The following SCML4 variants were observed in gnomAD, a reference collection of about 807,000 sequenced individuals.
SCML4 encodes sex comb on midleg-like protein 4.
In SCML4, 34 loss-of-function variants were observed where a neutral mutation model predicts 41.1. That is an observed-to-expected ratio of 0.83 (90% CI 0.63 to 1.10). The LOEUF (loss-of-function observed/expected upper bound fraction) is 1.10, where lower values mean the gene tolerates loss of function less well. Ranked by LOEUF, SCML4 falls within the 50% of genes least tolerant of loss-of-function variation. SCML4 has a pLI of 0.00. For synonymous variants in SCML4, 214 were observed against 220.9 expected (o/e 0.97, Z 0.28); for missense variants, 522 against 534.1 (o/e 0.98, Z 0.22).
chr6:107,833,643 G>A, the SCML4 span, among the ~76,000 whole-genome samples: 8 of 152,160 alleles, frequency 5.3e-5, no homozygotes, highest in Admixed American at 2.0e-4. Context: ...AGGACTCTCC[G>A]GAGAGGAAGT....
chr6:107,761,853 C>A (rs1317693225), intron 2 of SCML4, among the ~76,000 whole-genome samples: 2 of 148,690 alleles, frequency 1.3e-5, no homozygotes, highest in African/African-American at 2.5e-5. Context: ...TACTTCTAAA[C>A]AACAAAAACT....
At chr6:107,802,782 C>T (rs927027187) in intron 1 of SCML4, among the ~76,000 whole-genome samples, 2 of 149,232 alleles carry the variant, frequency 1.3e-5, no homozygotes, top group Admixed American at 6.6e-5. Context: ...CACGGTCTCC[C>T]CCTGATGCCG....
At chr6:107,773,390 G>C (rs1018991465) in intron 1 of SCML4, among the ~76,000 whole-genome samples, 1 of 152,018 alleles carries the variant, frequency 6.6e-6, no homozygotes. Context: ...CTAGGAGTTC[G>C]AGACTAGCCT....
At chr6:107,721,449 C>G (rs956477251) in intron 5 of SCML4, among the ~76,000 whole-genome samples, 19 of 152,022 alleles carry the variant, frequency 1.2e-4, no homozygotes, top group African/African-American at 4.6e-4. Context: ...CCTGTAATCC[C>G]AGCTACTCAG....
chr6:107,794,945 T>C (rs1439933225), intron 1 of SCML4, among the ~76,000 whole-genome samples: 1 of 152,236 alleles, frequency 6.6e-6, no homozygotes, highest in Non-Finnish European at 1.5e-5. Context: ...TCTCTCTCTA[T>C]GTGTCTCTGT....
intron 5 of SCML4, among the ~76,000 whole-genome samples, chr6:107,736,507 T>C (rs1471182878): frequency 3.3e-5 from 5 of 152,162 alleles, no homozygotes; most frequent in Non-Finnish European, 5.9e-5. Flanking sequence ...TATCTTGCTG[T>C]GTGTGTGGCT....
Position 107,703,646 on chromosome 6 carries a change from G to A in SCML4, c.*1554C>T, listed in dbSNP as rs547539957. ...GTACAACGGCAGCTGATCAAGCGGTGAGGAGGTTGAGCCCCCACCCTGCTC... is the reference window on the plus strand; with the variant it reads ...GTACAACGGCAGCTGATCAAGCGGTAAGGAGGTTGAGCCCCCACCCTGCTC... On this transcript the variant is annotated 3_prime_UTR_variant, in exon 8 of 8. Coordinates refer to ENST00000369020, the MANE Select transcript of SCML4 (RefSeq NM_198081.5). 6.6e-5 allele frequency among the ~76,000 whole-genome samples: 10 copies of A among 152,300 alleles called. No homozygotes were observed. The highest frequency in any genetic ancestry group is 2.2e-4 in the African/African-American group (9 of 41,568).
chr6:107,828,322 T>C (rs1042148481), upstream of SCML4, among the ~76,000 whole-genome samples: 1 of 152,154 alleles, frequency 6.6e-6, no homozygotes, highest in Non-Finnish European at 1.5e-5. Context: ...GACAAGGAAA[T>C]AAGGGACTAG....
At chr6:107,803,591 G>A (rs1783468002) in intron 1 of SCML4, among the ~76,000 whole-genome samples, 1 of 147,038 alleles carries the variant, frequency 6.8e-6, no homozygotes, top group Admixed American at 6.7e-5. Context: ...GACAATGGCG[G>A]TTTTGTGGAA....
At chr6:107,787,261 A>T (rs1192663809) in intron 1 of SCML4, among the ~76,000 whole-genome samples, 1 of 152,218 alleles carries the variant, frequency 6.6e-6, no homozygotes, top group Non-Finnish European at 1.5e-5. Flanking sequence ...TGAATAGAAC[A>T]ACATAATTAT....
At chr6:107,820,850 A>G (rs1365215393) in intron 1 of SCML4, among the ~76,000 whole-genome samples, 1 of 152,248 alleles carries the variant, frequency 6.6e-6, no homozygotes, top group East Asian at 1.9e-4. Flanking sequence ...AAGGTAGAAA[A>G]GAAAAAAAAG....
At chr6:107,772,796 C>G (rs1780625745) in intron 1 of SCML4, among the ~76,000 whole-genome samples, 1 of 152,184 alleles carries the variant, frequency 6.6e-6, no homozygotes, top group African/African-American at 2.4e-5. Context: ...TCACTCCTAT[C>G]TCTTTGCTTG....
Position 107,729,270 on chromosome 6 carries a change from G to A in SCML4, c.683-8277C>T, listed in dbSNP as rs112147979. 1.1e-3 allele frequency among the ~76,000 whole-genome samples: 167 copies of A among 152,272 alleles called. 3 individuals carry two copies. Among genetic ancestry groups the A allele is most frequent in the African/African-American group, 3.8e-3 (159 of 41,548 alleles). The stretch of plus-strand genomic sequence containing the variant: ...CCAGGCTCCCTCTCAGGACTCTAGG[G>A]GAGAATCCCTCCTGGCCTCTTTCTA... On this transcript the variant is annotated intron_variant, in intron 5 of 7. Transcript: ENST00000369020.
rs922289141 is a variant in SCML4, at chr6:107,708,119, T to A, written c.974-108A>T. 8 of 1,328,710 alleles carry A rather than the reference T, an allele frequency of 6.0e-6. No individual in the cohort carries two copies. The Admixed American group carries it at 1.7e-4, about 29-fold the overall frequency. 82.3% of individuals were successfully genotyped at this position (1,328,710 alleles called of 1,614,324 possible). On this transcript the variant is annotated intron_variant, in intron 6 of 7. Transcript: ENST00000369020. ...CTGGAAGGGGGATCCTCAGTGCCCATGAGTCCAAGGACCTGGCCCAAGTGA... is the reference window on the plus strand; with the variant it reads ...CTGGAAGGGGGATCCTCAGTGCCCAAGAGTCCAAGGACCTGGCCCAAGTGA...
intron 6 of SCML4, among the ~76,000 whole-genome samples, chr6:107,716,103 G>A (rs1774760047): frequency 6.6e-6 from 1 of 152,172 alleles, no homozygotes. Flanking sequence ...TGCCACTCAA[G>A]TCAGCATGGT....
Position 107,703,139 on chromosome 6 carries a change from A to G in SCML4, c.*2061T>C, listed in dbSNP as rs1773313470. On this transcript the variant is annotated 3_prime_UTR_variant, in exon 8 of 8. Coordinates refer to ENST00000369020, the MANE Select transcript of SCML4 (RefSeq NM_198081.5). ...AATCCACCCCTTGTTTAGCATATCA[A>G]GAAATAAACATAAAAATGGGCAACC... 6.6e-6 allele frequency among the ~76,000 whole-genome samples: 1 copy of G among 152,236 alleles called. No individual in the cohort carries two copies. The highest frequency in any genetic ancestry group is 2.1e-4 in the South Asian group (1 of 4,832).
intron 1 of SCML4, among the ~76,000 whole-genome samples, chr6:107,774,875 T>C (rs1780799045): frequency 6.6e-6 from 1 of 151,628 alleles, no homozygotes; most frequent in Non-Finnish European, 1.5e-5. Flanking sequence ...CACAAAAAAT[T>C]AGCTGGGCAT....
At chr6:107,789,363 GT>G (rs1782142066) in intron 1 of SCML4, among the ~76,000 whole-genome samples, 1 of 152,114 alleles carries the variant, frequency 6.6e-6, no homozygotes, top group African/African-American at 2.4e-5. Flanking sequence ...AGCACCTCTG[GT>G]CATCACATCT....
chr6:107,802,892 C>T (rs1370159483), intron 1 of SCML4, among the ~76,000 whole-genome samples: 1 of 151,964 alleles, frequency 6.6e-6, no homozygotes, highest in Middle Eastern at 3.2e-3. Context: ...TGCAGTCGCG[C>T]GCCGCCACGC....
Sources: allele counts gnomAD v4.1 joint callset (sites outside exome capture counted in the v4.1 genomes callset), GRCh38; gene constraint gnomAD v4.1.1; transcripts MANE v1.5; gene names NCBI Gene and HGNC (gene_info 2026-07-23, HGNC 2026-07-21).